PPP2R3A: variants seen among roughly 807,000 people sequenced by gnomAD.
The protein encoded by PPP2R3A is protein phosphatase 2 regulatory subunit B''alpha.
A neutral mutation model predicts 106.9 loss-of-function variants in PPP2R3A; 80 were observed. The ratio of observed to expected loss-of-function variants is 0.75; its 90% confidence interval spans 0.62 to 0.90. The LOEUF (loss-of-function observed/expected upper bound fraction) is 0.90, where lower values mean the gene tolerates loss of function less well. Ranked by LOEUF, PPP2R3A falls within the 40% of genes least tolerant of loss-of-function variation. The probability of loss-of-function intolerance (pLI) is 0.00; values close to 1 mark genes in which losing one functional copy is unlikely to be tolerated. For missense variants in PPP2R3A, 1,386 were observed against 1,350.4 expected, an observed-to-expected ratio of 1.03 and a Z score of -0.41; for synonymous variants, 483 against 468.3, an observed-to-expected ratio of 1.03 and a Z score of -0.41.
At chr3:136,115,840 G>A (rs1006816942) in intron 13 of PPP2R3A, among the ~76,000 whole-genome samples, 1 of 152,010 alleles carries the variant, frequency 6.6e-6, no homozygotes, top group Non-Finnish European at 1.5e-5. Context: ...TTATCCAGGA[G>A]AACTTTCCAA....
intron 12 of PPP2R3A, among the ~76,000 whole-genome samples, chr3:136,105,696 T>C (rs1485035560): frequency 6.6e-6 from 1 of 152,092 alleles, no homozygotes; most frequent in Non-Finnish European, 1.5e-5. Flanking sequence ...CCACGGTGGC[T>C]CACACCTGTA....
intron 1 of PPP2R3A, among the ~76,000 whole-genome samples, chr3:135,996,979 G>A (rs771085040): frequency 3.9e-5 from 6 of 152,118 alleles, no homozygotes; most frequent in Non-Finnish European, 8.8e-5. Flanking sequence ...CACTAGGAAA[G>A]GTATCCACCT....
chr3:136,075,291 TTTA>T (rs1936558566), intron 6 of PPP2R3A, among the ~76,000 whole-genome samples: 2 of 152,360 alleles, frequency 1.3e-5, no homozygotes, highest in South Asian at 4.1e-4. Flanking sequence ...CTAATTATGA[TTTA>T]TTGTAAAATT....
intron 13 of PPP2R3A, among the ~76,000 whole-genome samples, chr3:136,143,701 G>C (rs1258821689): frequency 1.3e-5 from 2 of 152,064 alleles, no homozygotes; most frequent in African/African-American, 2.4e-5. Flanking sequence ...TGAGGCAGGA[G>C]AATCACTTGA....
At chr3:136,063,069 A>G (rs1936134758) in intron 5 of PPP2R3A, among the ~76,000 whole-genome samples, 1 of 152,236 alleles carries the variant, frequency 6.6e-6, no homozygotes, top group Non-Finnish European at 1.5e-5. Flanking sequence ...GTACCAAAAC[A>G]GAGATATAGA....
chr3:136,145,419 ACACTCTT>A lies in PPP2R3A; in HGVS notation c.*254_*260del. The A allele has an allele frequency of 3.2e-6, 1 of 314,186 alleles. No homozygotes were observed. The highest frequency in any genetic ancestry group is 8.3e-5 in the East Asian group (1 of 12,110). The allele number at this position is 314,186 out of a possible 1,614,324, so 19.5% of individuals were successfully genotyped here. A position where few individuals can be genotyped will look rare whatever the true frequency, so the allele number is the denominator to read the frequency against. On this transcript the variant is annotated 3_prime_UTR_variant, in exon 14 of 14. Transcript: ENST00000264977. The stretch of plus-strand genomic sequence containing the variant: ...CATCGCCTTCCAAAGTCAGCACTCT[ACACTCTT>A]GAATGTACCAAGGATCTCTTGGCGA...
intron 6 of PPP2R3A, among the ~76,000 whole-genome samples, chr3:136,078,034 C>T (rs1355722578): frequency 6.6e-6 from 1 of 152,138 alleles, no homozygotes; most frequent in Non-Finnish European, 1.5e-5. Context: ...ACCTCATATG[C>T]CTTCCCAAAA....
At chr3:136,094,769 G>C (rs1325907889) in intron 10 of PPP2R3A, among the ~76,000 whole-genome samples, 1 of 152,092 alleles carries the variant, frequency 6.6e-6, no homozygotes, top group African/African-American at 2.4e-5. Flanking sequence ...TCCCAGCCCT[G>C]ATAATTTAAT....
chr3:136,082,392 A>G lies in PPP2R3A; in HGVS notation c.2759A>G (p.Gln920Arg). The change falls in exon 8 of 14, where the codon CAG becomes CGG. Residue 920 changes from glutamine (Q) to arginine (R), a missense_variant. Gln to Arg is a conservative substitution (Grantham distance 43). Transcript: ENST00000264977. ...ACTGATCACGACCTCTACATCAGCCAGGCCGATCTGTCTCGATACAATGAC... is the reference window on the plus strand; with the variant it reads ...ACTGATCACGACCTCTACATCAGCCGGGCCGATCTGTCTCGATACAATGAC... ...LDTDHDLYIS[Q>R]ADLSRYNDQA... The G allele has an allele frequency of 6.2e-7, 1 of 1,613,970 alleles. No homozygotes were observed. Among genetic ancestry groups the G allele is most frequent in the Non-Finnish European group, 8.5e-7 (1 of 1,179,856 alleles).
At position 136,145,339 on chromosome 3, in the gene PPP2R3A, A is replaced by G; in HGVS notation, c.*173A>G. 1.3e-6 allele frequency: 1 copy of G among 787,876 alleles called. No homozygotes were observed. The highest frequency in any genetic ancestry group is 1.8e-6 in the Non-Finnish European group (1 of 554,900). 48.8% of individuals were successfully genotyped at this position (787,876 alleles called of 1,614,324 possible). A position where few individuals can be genotyped will look rare whatever the true frequency, so the allele number is the denominator to read the frequency against. On this transcript the variant is annotated 3_prime_UTR_variant, in exon 14 of 14. Transcript: ENST00000264977. ...GGTCTGGATACACATTTAACTTAGG[A>G]GGCTCCTCCAATTTGCCTCAAACCT...
At chr3:136,093,934 A>G (rs1937156954) in intron 10 of PPP2R3A, among the ~76,000 whole-genome samples, 3 of 152,222 alleles carry the variant, frequency 2.0e-5, no homozygotes, top group Admixed American at 1.3e-4. Flanking sequence ...AAACTTGTAC[A>G]CCCATTTTCA....
chr3:136,108,290 T>C (rs570464808), intron 13 of PPP2R3A, among the ~76,000 whole-genome samples: 1 of 152,298 alleles, frequency 6.6e-6, no homozygotes, highest in East Asian at 1.9e-4. Context: ...ATGGGAAGAT[T>C]AATAAAATTA....
At chr3:136,107,431 C>CTTTTTTTTTT (rs11324496) in intron 13 of PPP2R3A, among the ~76,000 whole-genome samples, 1 of 71,422 alleles carries the variant, frequency 1.4e-5, no homozygotes, top group Non-Finnish European at 2.5e-5. Flanking sequence ...TACATGAATT[C>CTTTTTTTTTT]TTTTTTTTTT....
chr3:136,118,254 A>G (rs1937854820), intron 13 of PPP2R3A, among the ~76,000 whole-genome samples: 1 of 152,220 alleles, frequency 6.6e-6, no homozygotes, highest in African/African-American at 2.4e-5. Context: ...TATTTATGAC[A>G]AACCCACAGC....
At chr3:135,993,033 A>C (rs931719998) in intron 1 of PPP2R3A, among the ~76,000 whole-genome samples, 4 of 152,172 alleles carry the variant, frequency 2.6e-5, no homozygotes, top group African/African-American at 4.8e-5. Context: ...GGATAGGCAA[A>C]GATCTTAAGG....
chr3:136,012,226 G>C (rs1473749570), intron 2 of PPP2R3A, among the ~76,000 whole-genome samples: 1 of 152,146 alleles, frequency 6.6e-6, no homozygotes, highest in Non-Finnish European at 1.5e-5. Flanking sequence ...AGCAGACTAA[G>C]AAGTACAGAG....
Position 136,013,186 on chromosome 3 carries a change from GTATGTA to G in PPP2R3A, c.1995+9695_1995+9700del, listed in dbSNP as rs1559868792. ...TGTGTGTGTGTGTGTGTGTGTGTAT[GTATGTA>G]TGTATGTATGTATGTATGTATGTAT... On this transcript the variant is annotated intron_variant, in intron 2 of 13. Coordinates refer to ENST00000264977, the MANE Select transcript of PPP2R3A (RefSeq NM_002718.5). 7.2e-3 allele frequency among the ~76,000 whole-genome samples: 1,025 copies of G among 143,172 alleles called. 14 individuals carry two copies. The highest frequency in any genetic ancestry group is 0.021 in the South Asian group (93 of 4,432). 93.9% of individuals were successfully genotyped at this position (143,172 alleles called of 152,430 possible).
chr3:136,084,775 G>C (rs761252291), intron 8 of PPP2R3A, among the ~76,000 whole-genome samples: 2 of 152,240 alleles, frequency 1.3e-5, no homozygotes, highest in Admixed American at 1.3e-4. Context: ...AGTCAAAGGA[G>C]ATCATTTTGG....
chr3:135,985,318 C>T (rs1937593400), intron 1 of PPP2R3A, among the ~76,000 whole-genome samples: 2 of 150,758 alleles, frequency 1.3e-5, no homozygotes, highest in Admixed American at 1.3e-4. Flanking sequence ...TCTCTCTCTC[C>T]CCCTTTCCCT....
Sources: allele counts gnomAD v4.1 joint callset (sites outside exome capture counted in the v4.1 genomes callset), GRCh38; gene constraint gnomAD v4.1.1; transcripts MANE v1.5; gene names NCBI Gene and HGNC (gene_info 2026-07-23, HGNC 2026-07-21).